The following NBAS variants were observed in gnomAD, a reference collection of about 807,000 sequenced individuals.
NBAS encodes NAG/BC035112 fusion.
NBAS carries 219 observed loss-of-function variants against 302.5 expected under a neutral mutation model. The observed-to-expected ratio is 0.72, with a 90% CI of 0.65 to 0.81. The LOEUF is 0.81. Ranked by LOEUF, NBAS falls within the 30% of genes least tolerant of loss-of-function variation. NBAS has a pLI of 0.00. For missense variants in NBAS, 2,932 were observed against 2,841.6 expected, an observed-to-expected ratio of 1.03 and a Z score of -0.72; for synonymous variants, 1,118 against 1,021.6, an observed-to-expected ratio of 1.09 and a Z score of -1.80.
At chr2:15,331,631 A>G (rs1345830885) in intron 35 of NBAS, among the ~76,000 whole-genome samples, 4 of 152,244 alleles carry the variant, frequency 2.6e-5, no homozygotes, top group Non-Finnish European at 5.9e-5. Context: ...CATGTTATTC[A>G]TTAAGACACA....
At chr2:15,361,469 C>T (rs1039295463) in intron 32 of NBAS, among the ~76,000 whole-genome samples, 3 of 151,206 alleles carry the variant, frequency 2.0e-5, no homozygotes, top group Non-Finnish European at 4.4e-5. Context: ...GCTGAGATCG[C>T]ACCACCGCAC....
intron 31 of NBAS, among the ~76,000 whole-genome samples, chr2:15,371,140 A>C (rs1460699733): frequency 6.6e-6 from 1 of 152,112 alleles, no homozygotes; most frequent in South Asian, 2.1e-4. Context: ...CTGATGGTTT[A>C]AAAGCGCGGC....
At chr2:14,992,877 A>T in the NBAS span, among the ~76,000 whole-genome samples, 1 of 152,196 alleles carries the variant, frequency 6.6e-6, no homozygotes, top group Non-Finnish European at 1.5e-5. Context: ...AAGGAGAGCG[A>T]AGCCACACAC....
At chr2:15,469,844 G>C (rs71447225) in intron 16 of NBAS, among the ~76,000 whole-genome samples, 1 of 129,220 alleles carries the variant, frequency 7.7e-6, no homozygotes, top group Non-Finnish European at 1.6e-5. Flanking sequence ...CTGGGGGGTG[G>C]GGGGAGGGGG....
intron 9 of NBAS, 66 bp from the exon 10 acceptor site, chr2:15,511,416 G>T: frequency 6.9e-7 from 1 of 1,445,088 alleles, no homozygotes; most frequent in Non-Finnish European, 9.7e-7. Context: ...AACAAAGAGA[G>T]CAGAAACAGT....
the NBAS span, among the ~76,000 whole-genome samples, chr2:14,795,623 CA>C: frequency 2.6e-5 from 4 of 152,076 alleles, no homozygotes; most frequent in Non-Finnish European, 5.9e-5. Flanking sequence ...GGTGTTATAT[CA>C]AAAAGACATT....
chr2:15,391,880 A>G (rs912376714), intron 28 of NBAS, among the ~76,000 whole-genome samples: 9 of 135,016 alleles, frequency 6.7e-5, no homozygotes, highest in Non-Finnish European at 1.2e-4. Flanking sequence ...GTAGCATACT[A>G]AAAAAAAAAA....
At chr2:15,372,845 C>A (rs1674554661) in intron 31 of NBAS, among the ~76,000 whole-genome samples, 1 of 152,162 alleles carries the variant, frequency 6.6e-6, no homozygotes, top group African/African-American at 2.4e-5. Flanking sequence ...TTGATCAGCA[C>A]AGAAAATCAG....
chr2:15,243,391 A>T (rs983431601), intron 44 of NBAS, among the ~76,000 whole-genome samples: 1 of 152,070 alleles, frequency 6.6e-6, no homozygotes, highest in East Asian at 1.9e-4. Context: ...ATACAAAATG[A>T]TGGGGCTTCC....
At chr2:15,239,323 T>C (rs1384331257) in intron 44 of NBAS, among the ~76,000 whole-genome samples, 2 of 151,772 alleles carry the variant, frequency 1.3e-5, no homozygotes, top group African/African-American at 4.8e-5. Flanking sequence ...ATGTATTTTC[T>C]ATTTTATGTG....
chr2:15,323,793 C>A (rs1476576067), intron 38 of NBAS, among the ~76,000 whole-genome samples: 1 of 151,812 alleles, frequency 6.6e-6, no homozygotes, highest in Non-Finnish European at 1.5e-5. Flanking sequence ...CACAATCACG[C>A]CACTGCACTC....
At chr2:15,518,128 GGAA>G (rs1454454867) in intron 9 of NBAS, among the ~76,000 whole-genome samples, 7 of 93,484 alleles carry the variant, frequency 7.5e-5, no homozygotes, top group African/African-American at 2.8e-4. Flanking sequence ...GAAGTCTAGG[GGAA>G]AAAAAAAAAA....
At chr2:15,259,249 G>A (rs531050655) in intron 44 of NBAS, among the ~76,000 whole-genome samples, 42 of 152,250 alleles carry the variant, frequency 2.8e-4, no homozygotes, top group African/African-American at 8.7e-4. Flanking sequence ...GCACAAAGAC[G>A]TTGAATTGCA....
rs1318940772 is a variant in NBAS, at chr2:15,450,390, A to C, written c.2339+10811T>G. 5.3e-5 allele frequency among the ~76,000 whole-genome samples: 8 copies of C among 152,294 alleles called. No homozygotes were observed. The East Asian group carries it at 1.5e-3, about 29-fold the overall frequency. ...ATTTCCCAACATCAAAAACATGCTC[A>C]ACTTTCAAGGTCTAGATCCAAATCT... On this transcript the variant is annotated intron_variant, in intron 21 of 51. Transcript: ENST00000281513.
Position 15,379,731 on chromosome 2 carries a change from C to T in NBAS, c.3461G>A (p.Gly1154Asp). The T allele has an allele frequency of 4.3e-6, 7 of 1,614,026 alleles. No homozygotes were observed. Among genetic ancestry groups the T allele is most frequent in the Non-Finnish European group, 4.2e-6 (5 of 1,179,996 alleles). The change falls in exon 30 of 52, where the codon GGT becomes GAT. Residue 1154 changes from glycine (G) to aspartate (D), a missense_variant. Coordinates refer to ENST00000281513, the MANE Select transcript of NBAS (RefSeq NM_015909.4). ...CSACSENPPAGIAHKGKPHYR... is the reference protein window; with the variant it reads ...CSACSENPPADIAHKGKPHYR... The stretch of plus-strand genomic sequence containing the variant: ...GTGGGGTTTCCCTTTATGGGCTATA[C>T]CAGCTGGAGGATTTTCTGAACAAGC...
intron 11 of NBAS, among the ~76,000 whole-genome samples, chr2:15,497,758 TAAG>T (rs1192669228): frequency 1.3e-5 from 2 of 152,134 alleles, no homozygotes; most frequent in Non-Finnish European, 2.9e-5. Context: ...TTTTATACAT[TAAG>T]AAGTATGGAA....
At chr2:15,144,067 A>ATATC in the NBAS span, among the ~76,000 whole-genome samples, 3 of 115,828 alleles carry the variant, frequency 2.6e-5, no homozygotes, top group Non-Finnish European at 3.4e-5. Flanking sequence ...ATATATATAT[A>ATATC]TCTCCCATTA....
the NBAS span, among the ~76,000 whole-genome samples, chr2:14,847,769 A>G: frequency 6.6e-6 from 1 of 152,354 alleles, no homozygotes; most frequent in East Asian, 1.9e-4. Context: ...AATCTGCACT[A>G]TACAGCAATG....
the NBAS span, among the ~76,000 whole-genome samples, chr2:14,913,705 C>A: frequency 2.0e-5 from 3 of 152,026 alleles, no homozygotes; most frequent in Non-Finnish European, 4.4e-5. Flanking sequence ...GGAAACAGAA[C>A]CAGCTTGGAA....
Sources: allele counts gnomAD v4.1 joint callset (sites outside exome capture counted in the v4.1 genomes callset), GRCh38; gene constraint gnomAD v4.1.1; transcripts MANE v1.5; gene names NCBI Gene and HGNC (gene_info 2026-07-23, HGNC 2026-07-21).